ZBTB40: variants seen among roughly 807,000 people sequenced by gnomAD.
ZBTB40 encodes zinc finger and BTB domain containing 40.
In ZBTB40, 60 loss-of-function variants were observed where a neutral mutation model predicts 117.5. The ratio of observed to expected loss-of-function variants is 0.51; its 90% CI spans 0.41 to 0.63. The LOEUF (loss-of-function observed/expected upper bound fraction) is 0.63. ZBTB40 is among the 30% of genes least tolerant of loss of function. ZBTB40 has a pLI of 0.00. For synonymous variants in ZBTB40, 525 were observed against 577.1 expected, an observed-to-expected ratio of 0.91 and a Z score of 1.29; for missense variants, 1,287 against 1,498.5, an observed-to-expected ratio of 0.86 and a Z score of 2.33.
chr1:22,462,026 G>T lies in ZBTB40; in HGVS notation c.-70+10022G>T, dbSNP rs115012946. On this transcript the variant is annotated intron_variant, in intron 1 of 17. Coordinates refer to ENST00000375647, the MANE Select transcript of ZBTB40 (RefSeq NM_014870.4). ...GAACAAGTAGGAAGTGGCAGGGAGGGTTGAGGAATGTGTGTGCGGTGTCTC... is the reference window on the plus strand; with the variant it reads ...GAACAAGTAGGAAGTGGCAGGGAGGTTTGAGGAATGTGTGTGCGGTGTCTC... Among the ~76,000 whole-genome samples, 1,240 of 152,284 alleles carry T rather than the reference G, an allele frequency of 8.1e-3. 19 individuals carry two copies. The highest frequency in any genetic ancestry group is 0.029 in the African/African-American group (1,195 of 41,538).
chr1:22,473,306 G>T (rs1318777389), intron 1 of ZBTB40, among the ~76,000 whole-genome samples: 2 of 152,138 alleles, frequency 1.3e-5, no homozygotes, highest in Non-Finnish European at 2.9e-5. Context: ...TGTTCTAGTG[G>T]ATAAAGGGCA....
chr1:22,476,457 T>C (rs181596691), intron 1 of ZBTB40, among the ~76,000 whole-genome samples: 2 of 152,342 alleles, frequency 1.3e-5, no homozygotes, highest in African/African-American at 4.8e-5. Flanking sequence ...TGGGTTCAAG[T>C]GATCCGCCCA....
At chr1:22,512,793 G>A in intron 11 of ZBTB40, 131 bp from the exon 12 acceptor site, 2 of 1,050,618 alleles carry the variant, frequency 1.9e-6, no homozygotes, top group African/African-American at 1.6e-5. Context: ...AGCGTGGCCT[G>A]GCACCCTGGG....
intron 9 of ZBTB40, among the ~76,000 whole-genome samples, chr1:22,510,618 A>T (rs1639206721): frequency 6.6e-6 from 1 of 152,240 alleles, no homozygotes; most frequent in South Asian, 2.1e-4. Flanking sequence ...CGGCTTTGAA[A>T]TAATATTCTT....
At chr1:22,456,664 C>T (rs1460746878) in intron 1 of ZBTB40, among the ~76,000 whole-genome samples, 1 of 152,226 alleles carries the variant, frequency 6.6e-6, no homozygotes, top group Non-Finnish European at 1.5e-5. Context: ...GCTCTGTAAC[C>T]TTAATCTCAG....
chr1:22,511,581 A>G, intron 10 of ZBTB40, 95 bp from the exon 11 acceptor site: 1 of 1,370,266 alleles, frequency 7.3e-7, no homozygotes, highest in Non-Finnish European at 1.0e-6. Context: ...GATCTCAAGT[A>G]GTCTCTAGTC....
At chr1:22,460,937 C>T (rs1025708014) in intron 1 of ZBTB40, among the ~76,000 whole-genome samples, 1 of 152,106 alleles carries the variant, frequency 6.6e-6, no homozygotes, top group Non-Finnish European at 1.5e-5. Context: ...CCCTTTACTG[C>T]TTCTCATGTG....
intron 3 of ZBTB40, among the ~76,000 whole-genome samples, chr1:22,496,117 A>G (rs1569846167): frequency 1.3e-5 from 2 of 152,348 alleles, no homozygotes; most frequent in African/African-American, 2.4e-5. Flanking sequence ...AATGAGACAC[A>G]GTGGATGATT....
At chr1:22,522,149 C>T (rs1639543403) in intron 15 of ZBTB40, among the ~76,000 whole-genome samples, 1 of 152,218 alleles carries the variant, frequency 6.6e-6, no homozygotes, top group Non-Finnish European at 1.5e-5. Flanking sequence ...TATATTTTCT[C>T]ATTTCATTCT....
chr1:22,443,179 A>T (rs1224206506), intron 1 of ZBTB40, among the ~76,000 whole-genome samples: 4 of 152,202 alleles, frequency 2.6e-5, no homozygotes. Context: ...TTTTTTGATT[A>T]AAAAAGCCAA....
rs970719561 is a variant in ZBTB40 at position 22,513,118 on chromosome 1, A to C, written c.2656A>C (p.Lys886Gln). ...ASALAYHTKK[K>Q]HSEGKMYACQ... The stretch of plus-strand genomic sequence containing the variant: ...CGCCCTGGCCTATCACACCAAGAAG[A>C]AGCACTCAGAAGGTAAGGCGGGGCA... The change falls in exon 12 of 18, where the codon AAG becomes CAG. Residue 886 changes from lysine to glutamine, a missense_variant. Physicochemically the swap from Lys to Gln is moderately conservative, Grantham distance 53. Coordinates refer to ENST00000375647, the MANE Select transcript of ZBTB40 (RefSeq NM_014870.4). The surrounding 1 kb of genome is among the most constrained non-coding windows in gnomAD (Gnocchi z 4.9). The C allele has an allele frequency of 1.2e-6, 2 of 1,613,988 alleles. No individual in the cohort carries two copies. The highest frequency in any genetic ancestry group is 1.7e-6 in the Non-Finnish European group (2 of 1,179,966).
chr1:22,467,311 A>G (rs1402989264), intron 1 of ZBTB40, among the ~76,000 whole-genome samples: 2 of 152,128 alleles, frequency 1.3e-5, no homozygotes, highest in Non-Finnish European at 2.9e-5. Flanking sequence ...CCACCCTGCA[A>G]ATTCTCGAGT....
chr1:22,507,670 G>A (rs140484293), intron 6 of ZBTB40, among the ~76,000 whole-genome samples: 3 of 152,248 alleles, frequency 2.0e-5, no homozygotes, highest in African/African-American at 7.2e-5. Flanking sequence ...CTCTACCTCA[G>A]GCTTGACAAA....
intron 1 of ZBTB40, among the ~76,000 whole-genome samples, chr1:22,480,739 T>G (rs185096704): frequency 1.2e-4 from 18 of 152,220 alleles, no homozygotes; most frequent in Non-Finnish European, 2.4e-4. Flanking sequence ...TTTCTTGACT[T>G]GAGATTCCTG....
intron 1 of ZBTB40, among the ~76,000 whole-genome samples, chr1:22,472,096 G>A (rs140663446): frequency 1.4e-4 from 21 of 152,286 alleles, no homozygotes; most frequent in South Asian, 1.2e-3. Context: ...GACCTTATCC[G>A]TGGAGCACAA....
rs1051165886 is a variant in ZBTB40 at position 22,513,741 on chromosome 1, A to G, written c.2668+611A>G. On this transcript the variant is annotated intron_variant, in intron 12 of 17. Coordinates refer to ENST00000375647, the MANE Select transcript of ZBTB40 (RefSeq NM_014870.4). This position sits in a 1 kb window ranked among gnomAD's most constrained non-coding sequence, Gnocchi z 4.9. ...AATAAATAAAATTAAAAAACAATGC[A>G]CAACCTCTAGGCAAACAGACGACTG... 2.6e-5 allele frequency among the ~76,000 whole-genome samples: 4 copies of G among 152,152 alleles called. No homozygotes were observed. Among genetic ancestry groups the G allele is most frequent in the African/African-American group, 9.7e-5 (4 of 41,440 alleles).
chr1:22,443,822 T>C (rs921768974), intron 1 of ZBTB40, among the ~76,000 whole-genome samples: 2 of 152,218 alleles, frequency 1.3e-5, no homozygotes, highest in African/African-American at 2.4e-5. Flanking sequence ...TGGAATTTGG[T>C]ATCTTATTGC....
intron 1 of ZBTB40, among the ~76,000 whole-genome samples, chr1:22,433,166 G>C (rs547451457): frequency 5.3e-5 from 8 of 152,042 alleles, no homozygotes; most frequent in Admixed American, 2.0e-4. Flanking sequence ...GGGTGTGGTG[G>C]CTCACACCTG....
intron 1 of ZBTB40, among the ~76,000 whole-genome samples, chr1:22,478,989 A>C (rs556110158): frequency 3.3e-4 from 50 of 152,146 alleles, no homozygotes; most frequent in Non-Finnish European, 5.9e-4. Flanking sequence ...TCTGGTTTTT[A>C]TCATGGTAGA....
Sources: allele counts gnomAD v4.1 joint callset (sites outside exome capture counted in the v4.1 genomes callset), GRCh38; gene constraint gnomAD v4.1.1; non-coding constraint Gnocchi (gnomAD v3.1); transcripts MANE v1.5; gene names NCBI Gene and HGNC (gene_info 2026-07-23, HGNC 2026-07-21).